PEBP4: variants seen among roughly 807,000 people sequenced by gnomAD.
The protein encoded by PEBP4 is phosphatidylethanolamine binding protein 4, also known as phosphatidylethanolamine-binding protein 4.
In PEBP4, 22 loss-of-function variants were observed where a neutral mutation model predicts 23.9. The ratio of observed to expected loss-of-function variants is 0.92; its 90% confidence interval spans 0.66 to 1.31. The LOEUF (loss-of-function observed/expected upper bound fraction) is 1.31. Ranked by LOEUF, PEBP4 falls within the 40% of genes most tolerant of loss-of-function variation. The pLI, the probability that PEBP4 is intolerant of heterozygous loss-of-function variation, is 0.00. For missense variants in PEBP4, 324 were observed against 281.7 expected, an observed-to-expected ratio of 1.15 and a Z score of -1.07; for synonymous variants, 112 against 99.3, an observed-to-expected ratio of 1.13 and a Z score of -0.76.
intron 4 of PEBP4, among the ~76,000 whole-genome samples, chr8:22,747,280 C>A (rs1361248431): frequency 1.3e-5 from 2 of 152,210 alleles, no homozygotes; most frequent in African/African-American, 4.8e-5. Context: ...CCTGGGAAGT[C>A]CCTGGGGGTG....
chr8:22,818,030 C>T (rs1410134041), intron 3 of PEBP4, among the ~76,000 whole-genome samples: 2 of 152,164 alleles, frequency 1.3e-5, no homozygotes, highest in Non-Finnish European at 1.5e-5. Flanking sequence ...TGCTGAGTGC[C>T]GTGGAGGAAT....
At chr8:22,897,818 T>G (rs1444960747) in intron 3 of PEBP4, 1 of 152,168 alleles carries the variant, frequency 6.6e-6, no homozygotes, top group Non-Finnish European at 1.5e-5. Context: ...TCTCCCAAAA[T>G]TCCTATGTTG....
At chr8:22,749,105 G>C (rs1391944397) in intron 4 of PEBP4, among the ~76,000 whole-genome samples, 2 of 152,188 alleles carry the variant, frequency 1.3e-5, no homozygotes, top group Non-Finnish European at 1.5e-5. Flanking sequence ...TGGAGCTTCT[G>C]CATCTGCTTC....
At chr8:22,724,036 C>T (rs990300582) in intron 6 of PEBP4, among the ~76,000 whole-genome samples, 4 of 152,242 alleles carry the variant, frequency 2.6e-5, no homozygotes, top group Non-Finnish European at 5.9e-5. Context: ...CTTGCACTTC[C>T]AGATGGCATT....
intron 6 of PEBP4, among the ~76,000 whole-genome samples, chr8:22,717,105 T>A (rs13282968): frequency 3.3e-5 from 5 of 151,896 alleles, no homozygotes; most frequent in Admixed American, 6.5e-5. Context: ...CACTATCACC[T>A]CTCATTACAG....
intron 4 of PEBP4, among the ~76,000 whole-genome samples, chr8:22,774,595 G>T (rs576747441): frequency 1.1e-4 from 17 of 152,184 alleles, no homozygotes; most frequent in East Asian, 1.9e-4. Context: ...TCACCGATGG[G>T]GGGTAGGGGC....
chr8:22,940,505 T>TTTTTTTTTTTGGA (rs56301473), intron 1 of PEBP4, among the ~76,000 whole-genome samples: 1 of 146,192 alleles, frequency 6.8e-6, no homozygotes, highest in African/African-American at 2.6e-5. Context: ...TTTTTTTTTT[T>TTTTTTTTTTTGGA]CGAGACGGAG....
chr8:22,792,051 G>T (rs920822449), intron 4 of PEBP4, among the ~76,000 whole-genome samples: 2 of 149,884 alleles, frequency 1.3e-5, no homozygotes, highest in African/African-American at 4.9e-5. Context: ...TAGAGACAGG[G>T]TCTCACTATG....
intron 3 of PEBP4, among the ~76,000 whole-genome samples, chr8:22,879,139 C>T (rs1484863117): frequency 2.6e-5 from 4 of 152,132 alleles, no homozygotes; most frequent in African/African-American, 9.7e-5. Flanking sequence ...AGCAAATATC[C>T]CCAGTGACGA....
At chr8:22,754,141 G>A (rs112860914) in intron 4 of PEBP4, among the ~76,000 whole-genome samples, 83 of 152,240 alleles carry the variant, frequency 5.5e-4, no homozygotes, top group African/African-American at 1.9e-3. Flanking sequence ...GGCTTTCAGC[G>A]GCTCTCCAAG....
At chr8:22,782,187 A>G (rs1199420276) in intron 4 of PEBP4, among the ~76,000 whole-genome samples, 1 of 152,200 alleles carries the variant, frequency 6.6e-6, no homozygotes, top group Non-Finnish European at 1.5e-5. Context: ...AACACTGGAC[A>G]GAGACCAGAT....
chr8:22,938,368 C>T (rs1361099908), intron 1 of PEBP4, among the ~76,000 whole-genome samples: 1 of 152,214 alleles, frequency 6.6e-6, no homozygotes, highest in Non-Finnish European at 1.5e-5. Context: ...CATGACCCAC[C>T]TGGCTTACTT....
chr8:22,782,716 C>T (rs563544026), intron 4 of PEBP4, among the ~76,000 whole-genome samples: 1 of 152,336 alleles, frequency 6.6e-6, no homozygotes, highest in East Asian at 1.9e-4. Context: ...GAGAGCCCGA[C>T]CACTTTCATC....
chr8:22,843,309 T>C (rs1178722580), intron 3 of PEBP4, among the ~76,000 whole-genome samples: 1 of 152,172 alleles, frequency 6.6e-6, no homozygotes, highest in African/African-American at 2.4e-5. Flanking sequence ...ATTATGTTGC[T>C]GGTCTGGTTA....
rs190768574 is a variant in PEBP4, at chr8:22,738,889, G to A, written c.358-11669C>T. Among the ~76,000 whole-genome samples the A allele has an allele frequency of 2.8e-3, 426 of 152,270 alleles. 3 individuals carry two copies. Among genetic ancestry groups the A allele is most frequent in the Admixed American group, 0.021 (320 of 15,298 alleles). On this transcript the variant is annotated intron_variant, in intron 4 of 6. Transcript: ENST00000256404. ...CTCACACACACTCACATGTACTCACGCACTCCTCTCCTAGACTGCCTTTCA... is the reference window on the plus strand; with the variant it reads ...CTCACACACACTCACATGTACTCACACACTCCTCTCCTAGACTGCCTTTCA...
intron 4 of PEBP4, among the ~76,000 whole-genome samples, chr8:22,748,600 G>A (rs2872238): frequency 0.89 from 134,659 of 150,564 alleles, 60,832 homozygotes; most frequent in East Asian, 1. Flanking sequence ...GATGAGGGTG[G>A]TCTGAGGGGA....
intron 4 of PEBP4, among the ~76,000 whole-genome samples, chr8:22,754,526 T>C (rs1180091790): frequency 6.6e-6 from 1 of 152,202 alleles, no homozygotes; most frequent in Non-Finnish European, 1.5e-5. Context: ...AGATTTCTCA[T>C]CAGAAATTTG....
chr8:22,721,034 G>T (rs1488936524), intron 6 of PEBP4, among the ~76,000 whole-genome samples: 2 of 152,106 alleles, frequency 1.3e-5, no homozygotes, highest in African/African-American at 4.8e-5. Flanking sequence ...GCACGGCAGG[G>T]TTTCATCAGC....
chr8:22,856,744 G>A (rs1434489654), intron 3 of PEBP4, among the ~76,000 whole-genome samples: 5 of 150,834 alleles, frequency 3.3e-5, no homozygotes, highest in Admixed American at 3.3e-4. Context: ...TAAATATATA[G>A]AAAAATAAAA....
Sources: allele counts gnomAD v4.1 joint callset (sites outside exome capture counted in the v4.1 genomes callset), GRCh38; gene constraint gnomAD v4.1.1; transcripts MANE v1.5; gene names NCBI Gene and HGNC (gene_info 2026-07-23, HGNC 2026-07-21).